The following MYCBP2 variants were observed in gnomAD, a reference collection of about 807,000 sequenced individuals.
The protein encoded by MYCBP2 is E3 ubiquitin-protein ligase MYCBP2.
MYCBP2 carries 120 observed loss-of-function variants against 525.3 expected under a neutral mutation model. The ratio of observed to expected loss-of-function variants is 0.23; its 90% CI spans 0.20 to 0.27. The LOEUF (loss-of-function observed/expected upper bound fraction) is 0.27, where lower values mean the gene tolerates loss of function less well. Ranked by LOEUF, MYCBP2 falls within the 10% of genes least tolerant of loss-of-function variation. MYCBP2 has a pLI of 1.00. For missense variants in MYCBP2, 4,149 were observed against 5,657.1 expected (o/e 0.73, Z 8.55); for synonymous variants, 1,894 against 1,955.8 (o/e 0.97, Z 0.83).
At chr13:77,284,381 C>A (rs2076519714) in intron 3 of MYCBP2, among the ~76,000 whole-genome samples, 2 of 152,110 alleles carry the variant, frequency 1.3e-5, no homozygotes, top group South Asian at 4.1e-4. Flanking sequence ...CAGAGAAGGT[C>A]AAAGGGAAAA....
intron 40 of MYCBP2, 37 bp downstream of exon 40, chr13:77,168,391 G>A: frequency 3.2e-6 from 5 of 1,578,238 alleles, no homozygotes; most frequent in Non-Finnish European, 3.5e-6. Flanking sequence ...CTCATGCCAA[G>A]TTTTACATTC....
chr13:77,082,712 G>A (rs2043507691), intron 63 of MYCBP2, among the ~76,000 whole-genome samples: 1 of 152,046 alleles, frequency 6.6e-6, no homozygotes, highest in South Asian at 2.1e-4. Context: ...TTTTGTTTTT[G>A]AGATTTCATT....
intron 44 of MYCBP2, among the ~76,000 whole-genome samples, chr13:77,158,743 C>T (rs967486063): frequency 1.1e-4 from 16 of 152,244 alleles, no homozygotes; most frequent in South Asian, 1.0e-3. Flanking sequence ...CCACTGCATC[C>T]GGCTTCCCTC....
intron 26 of MYCBP2, among the ~76,000 whole-genome samples, chr13:77,204,144 T>A (rs1469890619): frequency 6.6e-6 from 1 of 150,926 alleles, no homozygotes; most frequent in Admixed American, 6.6e-5. Flanking sequence ...TGCAACCTAC[T>A]CATCTGACAA....
chr13:77,311,134 G>A (rs1009786957), intron 1 of MYCBP2, among the ~76,000 whole-genome samples: 2 of 152,076 alleles, frequency 1.3e-5, no homozygotes, highest in African/African-American at 4.8e-5. Flanking sequence ...TGCATTACAG[G>A]GCTACAACCC....
rs145574936 is a variant in MYCBP2 at position 77,142,210 on chromosome 13, C to G, written c.7304-1267G>C. 1.4e-3 allele frequency among the ~76,000 whole-genome samples: 219 copies of G among 152,252 alleles called. 1 individual carries two copies. The highest frequency in any genetic ancestry group is 0.012 in the Admixed American group (176 of 15,294). ...TGTAATTTGTATGTCTTGTGTGTCA[C>G]TACTTATATTCTACTTCATAAGATT... On this transcript the variant is annotated intron_variant, in intron 49 of 82. Coordinates refer to ENST00000544440, the MANE Select transcript of MYCBP2 (RefSeq NM_015057.5).
intron 46 of MYCBP2, among the ~76,000 whole-genome samples, chr13:77,155,293 T>C (rs1001760319): frequency 2.6e-5 from 4 of 152,128 alleles, no homozygotes; most frequent in African/African-American, 9.7e-5. Context: ...CTGAAAATAA[T>C]ATTGAGGCAA....
intron 59 of MYCBP2, among the ~76,000 whole-genome samples, chr13:77,091,912 C>A (rs1006850802): frequency 6.6e-6 from 1 of 152,020 alleles, no homozygotes; most frequent in Admixed American, 6.6e-5. Flanking sequence ...AGCCTCAAAA[C>A]AGTTTCTAAC....
intron 47 of MYCBP2, among the ~76,000 whole-genome samples, chr13:77,148,704 T>C (rs1386546835): frequency 6.6e-6 from 1 of 152,138 alleles, no homozygotes; most frequent in Non-Finnish European, 1.5e-5. Flanking sequence ...CAATTTCAAC[T>C]GATTATTCAA....
intron 45 of MYCBP2, among the ~76,000 whole-genome samples, 184 bp downstream of exon 45, chr13:77,157,753 A>AAAAC (rs962446010): frequency 2.0e-5 from 3 of 152,168 alleles, no homozygotes; most frequent in Non-Finnish European, 2.9e-5. Flanking sequence ...CTCTCTCTCA[A>AAAAC]AAACAAACAA....
At chr13:77,203,705 T>C (rs2154271668) in intron 26 of MYCBP2, among the ~76,000 whole-genome samples, 1 of 152,218 alleles carries the variant, frequency 6.6e-6, no homozygotes, top group Non-Finnish European at 1.5e-5. Flanking sequence ...GAGATATAGA[T>C]CAATGGAACG....
intron 55 of MYCBP2, among the ~76,000 whole-genome samples, chr13:77,116,315 C>G (rs988825085): frequency 5.3e-5 from 8 of 151,820 alleles, no homozygotes; most frequent in African/African-American, 1.7e-4. Context: ...TAAGAATAAG[C>G]CATCTTCTAA....
intron 76 of MYCBP2, among the ~76,000 whole-genome samples, chr13:77,060,647 T>G (rs561794458): frequency 1.3e-5 from 2 of 152,202 alleles, no homozygotes; most frequent in Admixed American, 6.5e-5. Context: ...TACCTTTTGT[T>G]TTATGTCTAT....
chr13:77,091,347 G>A (rs2045384876), intron 59 of MYCBP2, among the ~76,000 whole-genome samples: 1 of 151,254 alleles, frequency 6.6e-6, no homozygotes, highest in African/African-American at 2.4e-5. Context: ...TTACTATAAA[G>A]CACAGACATT....
At chr13:77,251,892 A>C (rs996503858) in intron 14 of MYCBP2, among the ~76,000 whole-genome samples, 9 of 151,698 alleles carry the variant, frequency 5.9e-5, no homozygotes, top group African/African-American at 2.2e-4. Flanking sequence ...CTCTCCAAAC[A>C]CCCTGTGTCC....
chr13:77,106,208 T>C (rs1016849649), intron 55 of MYCBP2, among the ~76,000 whole-genome samples: 1 of 152,178 alleles, frequency 6.6e-6, no homozygotes, highest in South Asian at 2.1e-4. Context: ...ATATTATTTT[T>C]GAGTGTTGAG....
chr13:77,285,809 G>A (rs2076671231), intron 3 of MYCBP2, among the ~76,000 whole-genome samples: 1 of 150,118 alleles, frequency 6.7e-6, no homozygotes, highest in Admixed American at 6.7e-5. Flanking sequence ...AAAGGGAAAG[G>A]CAAAGGAAAA....
intron 3 of MYCBP2, among the ~76,000 whole-genome samples, chr13:77,285,647 G>A (rs1042360039): frequency 6.6e-6 from 1 of 152,018 alleles, no homozygotes; most frequent in Non-Finnish European, 1.5e-5. Context: ...TTAGCCAGGC[G>A]CGGTGGCACA....
intron 20 of MYCBP2, among the ~76,000 whole-genome samples, chr13:77,219,133 G>C (rs2065204860): frequency 1.3e-5 from 2 of 152,108 alleles, no homozygotes; most frequent in Non-Finnish European, 2.9e-5. Flanking sequence ...TTTCCCTTAT[G>C]AGTCTCTTCT....
Sources: allele counts gnomAD v4.1 joint callset (sites outside exome capture counted in the v4.1 genomes callset), GRCh38; gene constraint gnomAD v4.1.1; transcripts MANE v1.5; gene names NCBI Gene and HGNC (gene_info 2026-07-23, HGNC 2026-07-21).